The following STAP2 variants were observed in gnomAD, a reference collection of about 807,000 sequenced individuals.
STAP2 encodes signal transducing adaptor family member 2.
Under a neutral mutation model 52.7 loss-of-function variants are expected in STAP2, and 58 were observed. That is an observed-to-expected ratio of 1.10 (90% confidence interval 0.89 to 1.37). The LOEUF (loss-of-function observed/expected upper bound fraction) is 1.37, where lower values mean the gene tolerates loss of function less well. Among genes scored for constraint, STAP2 ranks in the 40% most tolerant of loss-of-function variants. The probability of loss-of-function intolerance (pLI) is 0.00; values close to 1 mark genes in which losing one functional copy is unlikely to be tolerated. For missense variants in STAP2, 522 were observed against 519.4 expected, an observed-to-expected ratio of 1.00 and a Z score of -0.05; for synonymous variants, 231 against 210.5, an observed-to-expected ratio of 1.10 and a Z score of -0.84.
intron 3 of STAP2, among the ~76,000 whole-genome samples, chr19:4,333,418 C>T (rs1024280531): frequency 3.3e-5 from 5 of 152,102 alleles, no homozygotes; most frequent in African/African-American, 1.2e-4. Context: ...ATCACTTGAA[C>T]CTGGGAGGTG....
chr19:4,330,024 T>A lies in STAP2; in HGVS notation c.392A>T (p.His131Leu), dbSNP rs568627261. The A allele has an allele frequency of 6.2e-7, 1 of 1,613,344 alleles. No individual in the cohort carries two copies. Among genetic ancestry groups the A allele is most frequent in the South Asian group, 1.1e-5 (1 of 91,072 alleles). The stretch of plus-strand genomic sequence containing the variant: ...CAAGACTTCAGACATCATGTATAGG[T>A]GCCCAGGAAGCAGGGTCAAGTCGGT... ...VPTDLTLLPG[H>L]LYMMSEVLAK... The change falls in exon 5 of 13, where the codon CAC (histidine) becomes CTC (leucine). Residue 131 changes from histidine to leucine, a missense_variant. Coordinates refer to ENST00000594605, the MANE Select transcript of STAP2 (RefSeq NM_001013841.2).
chr19:4,331,069 T>C, intron 4 of STAP2, among the ~76,000 whole-genome samples: 1 of 150,734 alleles, frequency 6.6e-6, no homozygotes, highest in Middle Eastern at 3.4e-3. Context: ...GTGGCTCACA[T>C]CTATAATCCT....
chr19:4,338,460 A>C (rs1280312607), intron 1 of STAP2, among the ~76,000 whole-genome samples, 192 bp downstream of exon 1: 2 of 152,194 alleles, frequency 1.3e-5, no homozygotes, highest in Non-Finnish European at 2.9e-5. Flanking sequence ...CCAAATTCAA[A>C]GACACACGGA....
At chr19:4,332,532 A>G (rs1599553425) in intron 3 of STAP2, among the ~76,000 whole-genome samples, 1 of 151,970 alleles carries the variant, frequency 6.6e-6, no homozygotes, top group Non-Finnish European at 1.5e-5. Flanking sequence ...ATGTTATTAT[A>G]TCAACATTTG....
Position 4,324,124 on chromosome 19 carries a change from G to A in STAP2, c.*9C>T. The A allele has an allele frequency of 6.4e-7, 1 of 1,551,432 alleles. No individual in the cohort carries two copies. The highest frequency in any genetic ancestry group is 8.7e-7 in the Non-Finnish European group (1 of 1,146,906). ...TGGGACTAGCCCGCTGGTCCCTGGT[G>A]TGTCCGAATCAGTGCTCCAGTGCCC... On this transcript the variant is annotated 3_prime_UTR_variant, in exon 13 of 13. Coordinates refer to ENST00000594605, the MANE Select transcript of STAP2 (RefSeq NM_001013841.2).
chr19:4,337,757 C>T (rs540165796), intron 1 of STAP2, among the ~76,000 whole-genome samples: 1 of 151,958 alleles, frequency 6.6e-6, no homozygotes, highest in East Asian at 2.0e-4. Flanking sequence ...GCACGAGAAT[C>T]GCTTAATCGT....
intron 8 of STAP2, 28 bp from the exon 9 acceptor site, chr19:4,327,035 A>G: frequency 6.3e-7 from 1 of 1,587,162 alleles, no homozygotes; most frequent in Non-Finnish European, 8.6e-7. Flanking sequence ...GCCTGGAGGA[A>G]GCGCGGCGGC....
At chr19:4,332,122 A>C (rs1275411264) in intron 3 of STAP2, 44 bp from the exon 4 acceptor site, 4 of 1,553,726 alleles carry the variant, frequency 2.6e-6, no homozygotes, top group African/African-American at 2.8e-5. Context: ...AGTGAGCCTC[A>C]GTCTACTCAT....
chr19:4,325,549 A>C lies in STAP2; in HGVS notation c.830-4T>G. ...CCACCTGTGCAGGGTGCAGGACCTG[A>C]TGGGGAAACGTGGTCACTGTCAAGA... On this transcript the variant is annotated splice_region_variant and splice_polypyrimidine_tract_variant and intron_variant, in intron 9 of 12. Coordinates refer to ENST00000594605, the MANE Select transcript of STAP2 (RefSeq NM_001013841.2). 6.4e-7 allele frequency: 1 copy of C among 1,570,866 alleles called. No homozygotes were observed. Among genetic ancestry groups the C allele is most frequent in the Non-Finnish European group, 8.6e-7 (1 of 1,160,884 alleles).
chr19:4,325,389 C>G lies in STAP2; in HGVS notation c.979+7G>C, dbSNP rs1477476555. 1 of 1,614,218 alleles carries G rather than the reference C, an allele frequency of 6.2e-7. No homozygotes were observed. Among genetic ancestry groups the G allele is most frequent in the Admixed American group, 1.7e-5 (1 of 60,034 alleles). ...CCCAGCTCTCAGCAGCTCTGTTCCCCACCCACCATCTTGGTTCTCATAGTC... is the reference window on the plus strand; with the variant it reads ...CCCAGCTCTCAGCAGCTCTGTTCCCGACCCACCATCTTGGTTCTCATAGTC... On this transcript the variant is annotated splice_region_variant and intron_variant, in intron 10 of 12. Transcript: ENST00000594605.
At chr19:4,327,798 C>CA (rs1971819212) in intron 6 of STAP2, among the ~76,000 whole-genome samples, 1 of 152,144 alleles carries the variant, frequency 6.6e-6, no homozygotes, top group Non-Finnish European at 1.5e-5. Context: ...GTAATGGCTC[C>CA]ACCCCCAGGC....
chr19:4,336,297 G>C (rs1462074776), intron 1 of STAP2, among the ~76,000 whole-genome samples: 1 of 148,786 alleles, frequency 6.7e-6, no homozygotes, highest in Non-Finnish European at 1.5e-5. Context: ...TTACAGGCGT[G>C]AGCCACTGCA....
intron 1 of STAP2, among the ~76,000 whole-genome samples, chr19:4,337,991 G>C (rs111459383): frequency 6.6e-6 from 1 of 152,280 alleles, no homozygotes; most frequent in Non-Finnish European, 1.5e-5. Flanking sequence ...CTGCACTCTA[G>C]CCTGGGTGAC....
chr19:4,330,599 G>A (rs1308235737), intron 4 of STAP2, among the ~76,000 whole-genome samples: 3 of 151,872 alleles, frequency 2.0e-5, no homozygotes, highest in Non-Finnish European at 4.4e-5. Context: ...GTCTGCAGGG[G>A]CCAGGCAGGT....
chr19:4,324,324 G>A lies in STAP2; in HGVS notation c.1148-127C>T, dbSNP rs1196069699. On this transcript the variant is annotated intron_variant, in intron 12 of 12. Transcript: ENST00000594605. ...CGTGCAACAGGACAGTGTGCTCGAA[G>A]GCATTAAGAATTTCAAGACAGAGAC... 3 of 1,294,512 alleles carry A rather than the reference G, an allele frequency of 2.3e-6. No homozygotes were observed. The African/African-American group carries it at 4.4e-5, about 19-fold the overall frequency. The allele number at this position is 1,294,512 out of a possible 1,614,324, so 80.2% of individuals were successfully genotyped here.
chr19:4,324,692 C>G, intron 11 of STAP2, 163 bp from the exon 12 acceptor site: 1 of 633,974 alleles, frequency 1.6e-6, no homozygotes, highest in Non-Finnish European at 2.6e-6. Flanking sequence ...ATTAGATGGA[C>G]GTGGTGGCAG....
In STAP2 at chr19:4,332,080, T is replaced by G; in HGVS notation, c.298-2A>C. On this transcript the variant is annotated splice_acceptor_variant, in intron 3 of 12. Transcript: ENST00000594605. LOFTEE classifies it high-confidence loss of function. ...TTCCCGACACTCCAAGGTCTCTACC[T>G]GGGGAACAAAAGAAAGGAAAGAATC... is the stretch of plus-strand genomic sequence containing the variant. The G allele has an allele frequency of 6.2e-7, 1 of 1,608,820 alleles. No individual in the cohort carries two copies. The highest frequency in any genetic ancestry group is 8.5e-7 in the Non-Finnish European group (1 of 1,178,646).
At chr19:4,326,269 G>T (rs1202092415) in intron 9 of STAP2, among the ~76,000 whole-genome samples, 1 of 152,354 alleles carries the variant, frequency 6.6e-6, no homozygotes, top group African/African-American at 2.4e-5. Flanking sequence ...TGGGGCACAC[G>T]TGTATTTATG....
At position 4,337,662 on chromosome 19, in the gene STAP2, C is replaced by A. The variant is rs547733498; in HGVS notation, c.102+990G>T. 8.6e-5 allele frequency among the ~76,000 whole-genome samples: 13 copies of A among 151,414 alleles called. No individual in the cohort carries two copies. The South Asian group carries it at 2.7e-3, about 32-fold the overall frequency. ...AAGAGTTCAAGACCAGCCGGGCCAA[C>A]AAAATGAAACACTGTCTTTACTAAA... On this transcript the variant is annotated intron_variant, in intron 1 of 12. Transcript: ENST00000594605.
Sources: allele counts gnomAD v4.1 joint callset (sites outside exome capture counted in the v4.1 genomes callset), GRCh38; gene constraint gnomAD v4.1.1; transcripts MANE v1.5; gene names NCBI Gene and HGNC (gene_info 2026-07-23, HGNC 2026-07-21).